The following UGT1A4 variants were observed in gnomAD, a reference collection of about 807,000 sequenced individuals.
UGT1A4 encodes UDP glucuronosyltransferase family 1 member A4.
In UGT1A4, 32 loss-of-function variants were observed where a neutral mutation model predicts 41.1. The observed-to-expected ratio is 0.78, with a 90% CI of 0.59 to 1.05. The LOEUF (loss-of-function observed/expected upper bound fraction) is 1.05. UGT1A4 is among the 50% of genes least tolerant of loss of function. The pLI is 0.00. For missense variants in UGT1A4, 748 were observed against 677.4 expected (o/e 1.10, Z -1.16); for synonymous variants, 283 against 265.1 (o/e 1.07, Z -0.66).
chr2:233,733,436 G>T (rs2078397447), intron 1 of UGT1A4, among the ~76,000 whole-genome samples: 1 of 152,134 alleles, frequency 6.6e-6, no homozygotes, highest in African/African-American at 2.4e-5. Flanking sequence ...TATGATATTG[G>T]CTGCGGGTTT....
At chr2:233,746,978 G>A (rs1312298937) in intron 1 of UGT1A4, among the ~76,000 whole-genome samples, 2 of 151,796 alleles carry the variant, frequency 1.3e-5, no homozygotes, top group Non-Finnish European at 2.9e-5. Flanking sequence ...CCCAGAGCGA[G>A]CGCAGGGTCA....
intron 1 of UGT1A4, chr2:233,750,478 T>A (rs1694468358): frequency 1.3e-5 from 2 of 151,902 alleles, no homozygotes. Context: ...GCTATAGAAA[T>A]TTGCATAAGT....
intron 1 of UGT1A4, among the ~76,000 whole-genome samples, chr2:233,726,609 C>G (rs927536139): frequency 3.4e-4 from 51 of 152,176 alleles, no homozygotes; most frequent in African/African-American, 1.2e-3. Flanking sequence ...ATTACACTGT[C>G]CTGCCCAGAT....
chr2:233,760,995 A>G (rs777512835), intron 1 of UGT1A4: 2 of 1,614,138 alleles, frequency 1.2e-6, no homozygotes, highest in Non-Finnish European at 1.7e-6. Context: ...TTGCCTCAGA[A>G]TTCCTTCAGA....
chr2:233,755,226 G>A lies in UGT1A4; in HGVS notation c.868-11808G>A, dbSNP rs529614771. The A allele has an allele frequency of 5.1e-6, 5 of 975,542 alleles. No homozygotes were observed. In the East Asian group the frequency reaches 1.5e-4, roughly 29 times the overall value. 60.4% of individuals were successfully genotyped at this position (975,542 alleles called of 1,614,324 possible). On this transcript the variant is annotated intron_variant, in intron 1 of 4. Transcript: ENST00000373409. ...GTACGCCTTCTTGATACCCTCGGAC[G>A]AGGCCTACCGGGGTACTCCCAGCAC...
In UGT1A4 at chr2:233,772,306, G is replaced by A. The variant is rs200370335; in HGVS notation, c.1352G>A (p.Arg451His). The change falls in exon 5 of 5, where the codon CGC (arginine) becomes CAC (histidine). Residue 451 changes from arginine (R) to histidine (H), a missense_variant. By Grantham distance (29) the Arg-to-His change is conservative. Coordinates refer to ENST00000373409, the MANE Select transcript of UGT1A4 (RefSeq NM_007120.3). ...CGCCTCTCCAGCCTTCACAAGGACC[G>A]CCCGGTGGAGCCGCTGGACCTGGCC... ...IMRLSSLHKD[R>H]PVEPLDLAVF... 2.7e-5 allele frequency: 44 copies of A among 1,614,208 alleles called. No individual in the cohort carries two copies. Among genetic ancestry groups the A allele is most frequent in the Middle Eastern group, 3.3e-4 (2 of 6,062 alleles).
intron 1 of UGT1A4, among the ~76,000 whole-genome samples, chr2:233,720,204 G>A (rs1434202090): frequency 6.6e-6 from 1 of 152,176 alleles, no homozygotes; most frequent in Non-Finnish European, 1.5e-5. Context: ...GGCTGTGAAG[G>A]TGGGATGGAT....
At chr2:233,739,410 G>A (rs1691084493) in intron 1 of UGT1A4, among the ~76,000 whole-genome samples, 1 of 152,204 alleles carries the variant, frequency 6.6e-6, no homozygotes, top group Non-Finnish European at 1.5e-5. Flanking sequence ...GCCACCCTCT[G>A]AAAGCAGCCA....
At chr2:233,760,487 A>G (rs2125984867) in intron 1 of UGT1A4, 1 of 1,614,244 alleles carries the variant, frequency 6.2e-7, no homozygotes, top group Non-Finnish European at 8.5e-7. Context: ...GCCTCGTTGT[A>G]CATCAGAGAC....
intron 1 of UGT1A4, among the ~76,000 whole-genome samples, chr2:233,742,214 A>C (rs1413606991): frequency 6.6e-6 from 1 of 151,982 alleles, no homozygotes; most frequent in African/African-American, 2.4e-5. Context: ...CACAGCCTTC[A>C]GGGCTGAGAG....
At chr2:233,757,428 A>G (rs987166652) in intron 1 of UGT1A4, among the ~76,000 whole-genome samples, 8 of 151,196 alleles carry the variant, frequency 5.3e-5, no homozygotes, top group South Asian at 2.1e-4. Flanking sequence ...AAGAGAAGAA[A>G]AGTCACTTCT....
chr2:233,728,546 C>T (rs2008595), intron 1 of UGT1A4, among the ~76,000 whole-genome samples: 83,886 of 152,146 alleles, frequency 0.55, 25,265 homozygotes, highest in African/African-American at 0.81. Context: ...AGAGTCCTCT[C>T]TGATCCTTAC....
At chr2:233,749,145 C>G (rs1694125909) in intron 1 of UGT1A4, among the ~76,000 whole-genome samples, 1 of 151,818 alleles carries the variant, frequency 6.6e-6, no homozygotes, top group Non-Finnish European at 1.5e-5. Context: ...TATGAACTTC[C>G]ATGACTTGAT....
chr2:233,755,178 T>A, intron 1 of UGT1A4: 1 of 1,236,812 alleles, frequency 8.1e-7, no homozygotes, highest in Non-Finnish European at 1.1e-6. Flanking sequence ...TTTGTCGGGG[T>A]GCCACTTGAG....
chr2:233,769,820 A>C lies in UGT1A4; in HGVS notation c.1307+1381A>C, dbSNP rs1699945956. 1.3e-5 allele frequency: 11 copies of C among 843,066 alleles called. No individual in the cohort carries two copies. The highest frequency in any genetic ancestry group is 1.5e-5 in the Non-Finnish European group (9 of 599,386). The allele number at this position is 843,066 out of a possible 1,614,324, so 52.2% of individuals were successfully genotyped here. On this transcript the variant is annotated intron_variant, in intron 4 of 4. Transcript: ENST00000373409. The surrounding 1 kb of genome is among the most constrained non-coding windows in gnomAD (Gnocchi z 4.4). ...CTATGAGCCGTGATCATGCCACTGCACTCCAGCAACCTGGGCAACAGAGTG... is the reference window on the plus strand; with the variant it reads ...CTATGAGCCGTGATCATGCCACTGCCCTCCAGCAACCTGGGCAACAGAGTG...
intron 1 of UGT1A4, among the ~76,000 whole-genome samples, chr2:233,746,037 G>T (rs1056217183): frequency 1.8e-4 from 28 of 151,826 alleles, no homozygotes; most frequent in Non-Finnish European, 4.1e-4. Flanking sequence ...CTTACTTGCT[G>T]GCTTGGATGC....
rs778111484 is a variant in UGT1A4, at chr2:233,719,383, C to G, written c.563C>G (p.Pro188Arg). 6.8e-6 allele frequency: 11 copies of G among 1,613,932 alleles called. No homozygotes were observed. The highest frequency in any genetic ancestry group is 9.3e-6 in the Non-Finnish European group (11 of 1,179,864). ...TTAGACTTTAAGGGCACACAGTGTC[C>G]AAATCCTTCCTCCTATATTCCTAAG... is the stretch of plus-strand genomic sequence containing the variant. ...CDLDFKGTQC[P>R]NPSSYIPKLL... Residue 188 changes from proline (P) to arginine (R), a missense_variant, in exon 1 of 5, where the codon CCA becomes CGA. By Grantham distance (103) the Pro-to-Arg change is moderately radical (BLOSUM62 -2). Transcript: ENST00000373409.
chr2:233,747,722 GT>G (rs574078556), intron 1 of UGT1A4: 15 of 1,612,642 alleles, frequency 9.3e-6, no homozygotes, highest in Middle Eastern at 1.6e-4. Context: ...TTCCTGCTGT[GT>G]TTTTTTTGAG....
rs570829500 is a variant in UGT1A4, at chr2:233,743,629, T to G, written c.868-23405T>G. 70 of 1,367,302 alleles carry G rather than the reference T, an allele frequency of 5.1e-5. 1 individual carries two copies. The highest frequency in any genetic ancestry group is 2.7e-4 in the East Asian group (6 of 21,984). The allele number at this position is 1,367,302 out of a possible 1,614,324, so 84.7% of individuals were successfully genotyped here. The stretch of plus-strand genomic sequence containing the variant: ...CGAAGAACTCCCTGAAGACGTCGGC[T>G]GGGTCGCGGAAGCTGAAGACGTACT... On this transcript the variant is annotated intron_variant, in intron 1 of 4. Transcript: ENST00000373409.
Sources: allele counts gnomAD v4.1 joint callset (sites outside exome capture counted in the v4.1 genomes callset), GRCh38; gene constraint gnomAD v4.1.1; non-coding constraint Gnocchi (gnomAD v3.1); transcripts MANE v1.5; gene names NCBI Gene and HGNC (gene_info 2026-07-23, HGNC 2026-07-21).